SMARCA4: variants seen among roughly 807,000 people sequenced by gnomAD.
SMARCA4 encodes the protein SWI/SNF-related matrix-associated actin-dependent regulator of chromatin subfamily A member 4.
Under a neutral mutation model 193.9 loss-of-function variants are expected in SMARCA4, and 31 were observed. That is an observed-to-expected ratio of 0.16 (90% CI 0.12 to 0.22). The LOEUF (loss-of-function observed/expected upper bound fraction) is 0.22. Among genes scored for constraint, SMARCA4 ranks in the 10% least tolerant of loss-of-function variants. SMARCA4 has a pLI of 1.00. For missense variants in SMARCA4, 1,148 were observed against 2,296.0 expected, an observed-to-expected ratio of 0.50 and a Z score of 10.22; for synonymous variants, 942 against 933.1, an observed-to-expected ratio of 1.01 and a Z score of -0.17.
At position 11,010,459 on chromosome 19, in the gene SMARCA4, G is replaced by A. The variant is rs1208404337; in HGVS notation, c.2202G>A (p.Val734=). ...LARGLQSYYA[V]AHAVTERVDK... ...GTGGCCTGCAGTCCTACTATGCCGT[G>A]GCCCATGCTGTCACTGAGAGAGTGG... Residue 734 remains valine (V), a synonymous_variant, in exon 15 of 35, where the codon GTG becomes GTA. Transcript: ENST00000344626. The A allele has an allele frequency of 1.2e-6, 2 of 1,613,912 alleles. No individual in the cohort carries two copies. The highest frequency in any genetic ancestry group is 4.5e-5 in the East Asian group (2 of 44,894).
chr19:10,978,531 AC>A (rs1202836806), intron 1 of SMARCA4, among the ~76,000 whole-genome samples: 2 of 151,708 alleles, frequency 1.3e-5, no homozygotes, highest in Non-Finnish European at 2.9e-5. Context: ...GACGGGTTTT[AC>A]CATTTTGGTC....
Position 11,034,176 on chromosome 19 carries a change from C to A in SMARCA4, c.3927C>A (p.His1309Gln). 6.2e-7 allele frequency: 1 copy of A among 1,613,732 alleles called. No individual in the cohort carries two copies. The highest frequency in any genetic ancestry group is 8.5e-7 in the Non-Finnish European group (1 of 1,179,874). Residue 1309 changes from histidine to glutamine, a missense_variant, in exon 28 of 35, where the codon CAC becomes CAA. Around this residue, in one of 17 missense-constraint regions of SMARCA4, gnomAD observed 84 missense variants for 202.2 expected, o/e 0.42. Coordinates refer to ENST00000344626, the MANE Select transcript of SMARCA4 (RefSeq NM_003072.5). The surrounding 1 kb of genome is among the most constrained non-coding windows in gnomAD (Gnocchi z 7.0). ...CCGTCAACCAGATGATCGCCCGGCA[C>A]GAGGAGGAGTTTGATCTGTTCATGG... is the stretch of plus-strand genomic sequence containing the variant. ...DETVNQMIARHEEEFDLFMRM... is the reference protein window; with the variant it reads ...DETVNQMIARQEEEFDLFMRM...
At chr19:11,006,316 A>G (rs1461799434) in intron 13 of SMARCA4, among the ~76,000 whole-genome samples, 2 of 152,266 alleles carry the variant, frequency 1.3e-5, no homozygotes, top group South Asian at 2.1e-4. Context: ...TGCAACATGA[A>G]TGATTAAACA....
Position 11,062,031 on chromosome 19 carries a change from T to A in SMARCA4, c.*215T>A. On this transcript the variant is annotated 3_prime_UTR_variant, in exon 35 of 35. Transcript: ENST00000344626. ...GTAGCATCTGTAACAGCATTAACTG[T>A]CTTAAAGAGAGAGAGAGAGAATTCC... The A allele has an allele frequency of 1.7e-6, 1 of 602,610 alleles. No homozygotes were observed. Among genetic ancestry groups the A allele is most frequent in the South Asian group, 2.0e-5 (1 of 51,234 alleles). 37.3% of individuals were successfully genotyped at this position (602,610 alleles called of 1,614,324 possible).
rs147791182 is a variant in SMARCA4, at chr19:11,021,925, C to T, written c.2817C>T (p.Phe939=). The T allele has an allele frequency of 1.1e-4, 180 of 1,613,450 alleles. No homozygotes were observed. The African/African-American group carries it at 1.4e-3, about 13-fold the overall frequency. Reference sequence around the variant, plus strand: ...CCATCTTCAAGAGCTGCAGCACCTTCGAGCAGTGGTTTAACGCACCCTTTG... The same window carrying T: ...CCATCTTCAAGAGCTGCAGCACCTTTGAGCAGTGGTTTAACGCACCCTTTG... ...LPTIFKSCST[F]EQWFNAPFAM... Residue 939 remains phenylalanine, a synonymous_variant, in exon 19 of 35, where the codon TTC becomes TTT. Transcript: ENST00000344626.
chr19:11,009,149 G>A (rs553953919), intron 14 of SMARCA4, among the ~76,000 whole-genome samples: 1 of 148,674 alleles, frequency 6.7e-6, no homozygotes, highest in African/African-American at 2.5e-5. Context: ...GGCCTCCTGA[G>A]TAGCTGGCAC....
intron 19 of SMARCA4, among the ~76,000 whole-genome samples, chr19:11,022,847 A>G (rs1274086523): frequency 2.0e-5 from 3 of 152,200 alleles, no homozygotes; most frequent in East Asian, 1.9e-4. Context: ...GGACCCCCAC[A>G]CTAAGGGCCA....
rs1293411066 is a variant in SMARCA4, at chr19:10,994,623, T to TTTTTTA, written c.1420-192_1420-187dup. ...ATGAGCCACTGTGCCCAGCCCTAATTTTTTTATTTTTATTTTTAGTAGAGA... is the reference window on the plus strand; with the variant it reads ...ATGAGCCACTGTGCCCAGCCCTAATTTTTTTATTTTTATTTTTATTTTTAGTAGAGA... On this transcript the variant is annotated intron_variant, in intron 8 of 34. Transcript: ENST00000344626. Among the ~76,000 whole-genome samples the TTTTTTA allele has an allele frequency of 1.0e-3, 154 of 152,024 alleles. 1 individual carries two copies. The highest frequency in any genetic ancestry group is 3.5e-3 in the African/African-American group (146 of 41,462).
At chr19:10,997,718 C>T (rs2087213270) in intron 11 of SMARCA4, among the ~76,000 whole-genome samples, 1 of 152,118 alleles carries the variant, frequency 6.6e-6, no homozygotes, top group Non-Finnish European at 1.5e-5. Flanking sequence ...CCTCCTGCCT[C>T]AGCCTCCCAA....
intron 29 of SMARCA4, 151 bp downstream of exon 29, chr19:11,035,283 C>T (rs945865400): frequency 1.8e-4 from 138 of 775,284 alleles, no homozygotes; most frequent in Admixed American, 1.2e-4. Context: ...GAGAGCCTTC[C>T]GATGTGGGCC....
rs2146277649 is a variant in SMARCA4 at position 11,012,983 on chromosome 19, A to T, written c.2309A>T (p.Asn770Ile). ...TTGGAGTGGCTGGTGTCCCTGTACA[A>T]CAACAACCTGAACGGCATCCTGGCC... ...KGLEWLVSLY[N>I]NNLNGILADE... The change falls in exon 16 of 35, where the codon AAC becomes ATC. Residue 770 changes from asparagine (N) to isoleucine (I), a missense_variant. Physicochemically the swap from Asn to Ile is moderately radical, Grantham distance 149. This residue lies in a region of SMARCA4 where 2 missense variants were observed against 44.6 expected (regional missense o/e 0.04). Coordinates refer to ENST00000344626, the MANE Select transcript of SMARCA4 (RefSeq NM_003072.5). 6.2e-7 allele frequency: 1 copy of T among 1,614,190 alleles called. No individual in the cohort carries two copies. The highest frequency in any genetic ancestry group is 2.2e-5 in the East Asian group (1 of 44,882).
At chr19:10,978,364 C>T (rs2085302976) in intron 1 of SMARCA4, among the ~76,000 whole-genome samples, 1 of 152,012 alleles carries the variant, frequency 6.6e-6, no homozygotes, top group African/African-American at 2.4e-5. Context: ...TGGAGGTTTA[C>T]TCTTATTGCC....
intron 34 of SMARCA4, among the ~76,000 whole-genome samples, chr19:11,061,198 AAAAAAAATAT>A (rs2076848812): frequency 1.3e-5 from 1 of 76,264 alleles, no homozygotes; most frequent in Non-Finnish European, 2.6e-5. Flanking sequence ...TAAAAAAAAA[AAAAAAAATAT>A]ATATATATAT....
intron 13 of SMARCA4, 112 bp downstream of exon 13, chr19:11,003,509 A>G: frequency 1.9e-6 from 2 of 1,028,882 alleles, no homozygotes; most frequent in South Asian, 2.5e-5. Context: ...GGGGCAGGGA[A>G]CAGCAGGGCC....
intron 19 of SMARCA4, 94 bp from the exon 20 acceptor site, chr19:11,023,424 G>A (rs368398695): frequency 9.7e-6 from 8 of 821,720 alleles, no homozygotes; most frequent in East Asian, 5.2e-5. Context: ...AGGGGACCCC[G>A]TCCACCCTGT....
At chr19:11,024,272 G>T (rs184862438) in intron 20 of SMARCA4, 59 bp from the exon 21 acceptor site, 4 of 1,178,678 alleles carry the variant, frequency 3.4e-6, no homozygotes, top group Non-Finnish European at 1.3e-6. Flanking sequence ...GGGTTCGGAT[G>T]GGGGGAGTCA....
chr19:11,000,592 A>G (rs2087536655), intron 11 of SMARCA4, among the ~76,000 whole-genome samples: 1 of 151,274 alleles, frequency 6.6e-6, no homozygotes, highest in Non-Finnish European at 1.5e-5. Context: ...TCAAGAAAAA[A>G]GTAATGGGCC....
chr19:11,024,156 C>G (rs2090078097), intron 20 of SMARCA4, among the ~76,000 whole-genome samples, 175 bp from the exon 21 acceptor site: 1 of 152,184 alleles, frequency 6.6e-6, no homozygotes, highest in South Asian at 2.1e-4. Context: ...TGCTTCCTCT[C>G]ATTGCCCAGG....
chr19:11,061,475 G>A (rs574610979), intron 34 of SMARCA4, among the ~76,000 whole-genome samples: 9 of 151,968 alleles, frequency 5.9e-5, no homozygotes, highest in East Asian at 5.8e-4. Flanking sequence ...CCCCGGGATC[G>A]CGCCATTCTC....
Sources: gnomAD v4.1 joint callset for allele counts (sites outside exome capture counted in the v4.1 genomes callset) on GRCh38, gnomAD v4.1.1 for gene constraint, gnomAD v4.1.1 regional missense constraint, Gnocchi (gnomAD v3.1) non-coding constraint, MANE v1.5 for transcripts, NCBI Gene and HGNC (gene_info 2026-07-23, HGNC 2026-07-21) for gene names.